The following SLC44A3 variants were observed in gnomAD, a reference collection of about 807,000 sequenced individuals.
The protein encoded by SLC44A3 is choline transporter-like protein 3.
A neutral mutation model predicts 75.4 loss-of-function variants in SLC44A3; 74 were observed. The observed-to-expected ratio is 0.98, with a 90% CI of 0.81 to 1.19. The LOEUF (loss-of-function observed/expected upper bound fraction) is 1.19. SLC44A3 is among the 50% of genes most tolerant of loss of function. The pLI, the probability that SLC44A3 is intolerant of heterozygous loss-of-function variation, is 0.00. For missense variants in SLC44A3, 700 were observed against 778.6 expected (o/e 0.90, Z 1.20); for synonymous variants, 310 against 296.9 (o/e 1.04, Z -0.45).
intron 10 of SLC44A3, among the ~76,000 whole-genome samples, chr1:94,864,061 A>AG (rs1321650958): frequency 6.6e-6 from 1 of 152,204 alleles, no homozygotes; most frequent in African/African-American, 2.4e-5. Context: ...TTTCAGGGTT[A>AG]GGGGAGAGTG....
intron 9 of SLC44A3, among the ~76,000 whole-genome samples, chr1:94,850,304 A>T (rs1665046003): frequency 1.3e-5 from 2 of 152,174 alleles, no homozygotes; most frequent in Non-Finnish European, 2.9e-5. Context: ...GTAATTACTA[A>T]AATCCAATAG....
intron 12 of SLC44A3, among the ~76,000 whole-genome samples, chr1:94,873,390 C>T (rs1402760984): frequency 3.3e-5 from 5 of 152,202 alleles, no homozygotes; most frequent in Non-Finnish European, 7.3e-5. Flanking sequence ...AGCTTCCTGT[C>T]TTTCTGACTG....
Position 94,845,330 on chromosome 1 carries a change from T to A in SLC44A3, c.938T>A (p.Val313Asp), listed in dbSNP as rs759972668. Residue 313 changes from valine (V) to aspartate (D), a missense_variant, in exon 9 of 15, where the codon GTT becomes GAT. Val to Asp is a radical substitution (Grantham distance 152, BLOSUM62 -3). Transcript: ENST00000271227. ...FVLRKRIKLTVELFQITNKAI... is the reference protein window; with the variant it reads ...FVLRKRIKLTDELFQITNKAI... The stretch of plus-strand genomic sequence containing the variant: ...CTCAGAAAGAGAATAAAATTGACAG[T>A]TGAGCTTTTCCAAATCACAAATAAA... The A allele has an allele frequency of 1.2e-6, 2 of 1,613,946 alleles. No homozygotes were observed. Among genetic ancestry groups the A allele is most frequent in the East Asian group, 2.2e-5 (1 of 44,876 alleles).
chr1:94,841,151 C>T (rs763939793), intron 7 of SLC44A3, among the ~76,000 whole-genome samples: 61 of 152,134 alleles, frequency 4.0e-4, no homozygotes, highest in Non-Finnish European at 7.9e-4. Context: ...GTACAGAATA[C>T]GGTTGGCAGC....
chr1:94,860,248 A>G (rs1463823904), intron 10 of SLC44A3, among the ~76,000 whole-genome samples: 1 of 152,232 alleles, frequency 6.6e-6, no homozygotes, highest in Non-Finnish European at 1.5e-5. Context: ...GTGAGAAAAC[A>G]AGACTCTTGA....
At chr1:94,855,333 A>G (rs1481365309) in intron 9 of SLC44A3, 1 of 152,248 alleles carries the variant, frequency 6.6e-6, no homozygotes, top group Non-Finnish European at 1.5e-5. Context: ...CTAGTTTTGC[A>G]AAAGCATAAT....
At chr1:94,881,963 T>G (rs1669050665) in intron 12 of SLC44A3, among the ~76,000 whole-genome samples, 1 of 151,834 alleles carries the variant, frequency 6.6e-6, no homozygotes, top group Non-Finnish European at 1.5e-5. Context: ...GAGGTTGCAG[T>G]GAGCTGAGAT....
chr1:94,854,628 G>A (rs534456785), intron 9 of SLC44A3, among the ~76,000 whole-genome samples: 1 of 152,326 alleles, frequency 6.6e-6, no homozygotes, highest in Admixed American at 6.5e-5. Flanking sequence ...CTCTGCAACC[G>A]CAGACTCCGA....
chr1:94,876,640 T>A (rs1668320489), intron 12 of SLC44A3, among the ~76,000 whole-genome samples: 1 of 152,220 alleles, frequency 6.6e-6, no homozygotes, highest in African/African-American at 2.4e-5. Flanking sequence ...AGTCATGTCC[T>A]GCTACAAGCA....
chr1:94,884,971 C>T (rs1343619275), intron 12 of SLC44A3, among the ~76,000 whole-genome samples: 2 of 152,012 alleles, frequency 1.3e-5, no homozygotes, highest in African/African-American at 2.4e-5. Flanking sequence ...ACCGGCCAGG[C>T]GCAGTGGCTC....
chr1:94,847,897 C>G (rs183719660), intron 9 of SLC44A3, among the ~76,000 whole-genome samples: 1 of 152,180 alleles, frequency 6.6e-6, no homozygotes, highest in African/African-American at 2.4e-5. Context: ...TACCTTACAC[C>G]TCCCTTGCAT....
At chr1:94,884,025 G>C (rs2101630341) in intron 12 of SLC44A3, among the ~76,000 whole-genome samples, 1 of 25,770 alleles carries the variant, frequency 3.9e-5, no homozygotes, top group East Asian at 1.3e-3. Context: ...CTTTGTCTCT[G>C]TGTTGTTTGA....
intron 9 of SLC44A3, among the ~76,000 whole-genome samples, chr1:94,852,376 G>A (rs968371644): frequency 6.6e-6 from 1 of 152,188 alleles, no homozygotes; most frequent in African/African-American, 2.4e-5. Flanking sequence ...TTTGAAGTAG[G>A]TGAGTGCAGA....
At chr1:94,820,502 T>G in intron 1 of SLC44A3, 24 bp downstream of exon 1, 3 of 1,488,900 alleles carry the variant, frequency 2.0e-6, no homozygotes, top group Non-Finnish European at 2.7e-6. Context: ...GCCTCGGCCC[T>G]CGGGGGAGGA....
At chr1:94,852,712 CA>C (rs1553202158) in intron 9 of SLC44A3, among the ~76,000 whole-genome samples, 1 of 152,022 alleles carries the variant, frequency 6.6e-6, no homozygotes, top group Non-Finnish European at 1.5e-5. Flanking sequence ...TTGGAAGTGG[CA>C]TGACATATTA....
chr1:94,863,041 G>T (rs909458522), intron 10 of SLC44A3, among the ~76,000 whole-genome samples: 2 of 152,128 alleles, frequency 1.3e-5, no homozygotes, highest in Admixed American at 6.5e-5. Context: ...CTAGGTGGGG[G>T]CCTCAGAGAC....
chr1:94,893,457 C>T (rs113290176), intron 14 of SLC44A3, among the ~76,000 whole-genome samples: 6,372 of 152,026 alleles, frequency 0.042, 269 homozygotes, highest in African/African-American at 0.1. Flanking sequence ...CTCAGCTCAC[C>T]GCAACCTCCA....
Position 94,845,439 on chromosome 1 carries a change from T to TG in SLC44A3, c.1048dup (p.Val350GlyfsTer22). The TG allele has an allele frequency of 6.2e-7, 1 of 1,612,970 alleles. No homozygotes were observed. The highest frequency in any genetic ancestry group is 8.5e-7 in the Non-Finnish European group (1 of 1,179,936). On this transcript the variant is annotated frameshift_variant, in exon 9 of 15. Transcript: ENST00000271227. LOFTEE classifies it high-confidence loss of function. The stretch of plus-strand genomic sequence containing the variant: ...TTTTCTTCTGGGTCCTCTGGGTGGC[T>TG]GTGCTGCTGAGCCTGGGAACTGCAG...
chr1:94,852,603 CT>C (rs1403882302), intron 9 of SLC44A3, among the ~76,000 whole-genome samples: 5 of 152,152 alleles, frequency 3.3e-5, no homozygotes, highest in Admixed American at 3.3e-4. Context: ...GGGAAGAAGT[CT>C]TTACAGGATT....
Sources: gnomAD v4.1 joint callset for allele counts (sites outside exome capture counted in the v4.1 genomes callset) on GRCh38, gnomAD v4.1.1 for gene constraint, MANE v1.5 for transcripts, NCBI Gene and HGNC (gene_info 2026-07-23, HGNC 2026-07-21) for gene names.